Variants in METTL15 observed in about 807,000 individuals in gnomAD.
METTL15 encodes methyltransferase 15, mitochondrial 12S rRNA N4-cytidine.
In METTL15, 34 loss-of-function variants were observed where a neutral mutation model predicts 38.3. The ratio of observed to expected loss-of-function variants is 0.89; its 90% CI spans 0.68 to 1.18. METTL15 has a LOEUF of 1.18. METTL15 is among the 50% of genes most tolerant of loss of function. METTL15 has a pLI of 0.00. For synonymous variants in METTL15, 162 were observed against 170.9 expected (o/e 0.95, Z 0.41); for missense variants, 438 against 498.4 (o/e 0.88, Z 1.15).
intron 2 of METTL15, among the ~76,000 whole-genome samples, chr11:28,112,718 A>G (rs1049849709): frequency 4.6e-5 from 7 of 152,202 alleles, no homozygotes; most frequent in Non-Finnish European, 1.0e-4. Context: ...TATACACTCC[A>G]CTGATACAGG....
chr11:28,270,590 C>A (rs185478416), intron 4 of METTL15, among the ~76,000 whole-genome samples: 4 of 152,266 alleles, frequency 2.6e-5, no homozygotes, highest in Admixed American at 2.6e-4. Context: ...TAACAATAGA[C>A]AGATTATTTC....
chr11:28,522,546 T>G (rs1851772930), intron 6 of METTL15, among the ~76,000 whole-genome samples: 1 of 152,178 alleles, frequency 6.6e-6, no homozygotes, highest in Admixed American at 6.5e-5. Flanking sequence ...ATTTAAATAT[T>G]AGTCTCATCC....
At chr11:28,338,678 C>T (rs1373286686) in intron 3 of METTL15, among the ~76,000 whole-genome samples, 2 of 152,030 alleles carry the variant, frequency 1.3e-5, no homozygotes, top group African/African-American at 4.8e-5. Flanking sequence ...ATGAAAGAAA[C>T]AGAGTTTGGA....
Position 28,150,028 on chromosome 11 carries a change from G to C in METTL15, c.270+36424G>C, listed in dbSNP as rs767313352. 4.0e-5 allele frequency among the ~76,000 whole-genome samples: 6 copies of C among 151,828 alleles called. 1 individual carries two copies. The highest frequency in any genetic ancestry group is 6.6e-5 in the Admixed American group (1 of 15,194). ...GTCGCTTCTTTGAATTTCAAATATA[G>C]GAAACTATAGGCCTGCCATTTCTCA... On this transcript the variant is annotated intron_variant, in intron 3 of 6. Coordinates refer to ENST00000407364, the MANE Select transcript of METTL15 (RefSeq NM_001113528.2).
At chr11:28,495,680 A>G (rs1411576566) in intron 6 of METTL15, among the ~76,000 whole-genome samples, 4 of 152,194 alleles carry the variant, frequency 2.6e-5, no homozygotes, top group African/African-American at 9.7e-5. Context: ...AGAAAAGCAA[A>G]AAGACCCATA....
At chr11:28,495,964 A>C (rs1218563117) in intron 6 of METTL15, among the ~76,000 whole-genome samples, 1 of 152,196 alleles carries the variant, frequency 6.6e-6, no homozygotes, top group Non-Finnish European at 1.5e-5. Context: ...AATTCTTCAG[A>C]TATCCTGAAT....
chr11:28,328,213 C>T, intron 6 of METTL15: 1 of 1,550,364 alleles, frequency 6.5e-7, no homozygotes, highest in Non-Finnish European at 8.8e-7. Context: ...CATCATGTTC[C>T]TGAGAGACCT....
At chr11:28,260,688 C>T (rs746254046) in intron 4 of METTL15, among the ~76,000 whole-genome samples, 14 of 152,090 alleles carry the variant, frequency 9.2e-5, no homozygotes, top group Non-Finnish European at 1.9e-4. Flanking sequence ...ACACAGAAAA[C>T]CTTTTCTAAG....
chr11:28,200,774 T>C (rs1029989833), intron 3 of METTL15, among the ~76,000 whole-genome samples: 15 of 152,196 alleles, frequency 9.9e-5, no homozygotes, highest in African/African-American at 2.4e-5. Context: ...CCTGATACTT[T>C]GCTGAAATTG....
chr11:28,379,498 T>C (rs974830405), intron 5 of METTL15, among the ~76,000 whole-genome samples: 4 of 152,164 alleles, frequency 2.6e-5, no homozygotes, highest in African/African-American at 7.2e-5. Context: ...TGTTTTATTT[T>C]CATGTGTTTG....
intron 4 of METTL15, among the ~76,000 whole-genome samples, chr11:28,250,752 GT>G (rs1160524668): frequency 1.3e-5 from 2 of 151,984 alleles, no homozygotes; most frequent in East Asian, 3.9e-4. Context: ...CTTCAATTCT[GT>G]TTTTTACCTG....
At chr11:28,311,058 G>C (rs755012751) in intron 6 of METTL15, among the ~76,000 whole-genome samples, 1 of 151,080 alleles carries the variant, frequency 6.6e-6, no homozygotes, top group South Asian at 2.1e-4. Context: ...TCCCAAGTTG[G>C]GCATGGTCTT....
At chr11:28,445,437 A>G (rs1441283649) in intron 6 of METTL15, among the ~76,000 whole-genome samples, 1 of 152,130 alleles carries the variant, frequency 6.6e-6, no homozygotes, top group Non-Finnish European at 1.5e-5. Flanking sequence ...AAATTCAGGA[A>G]ACTGGACATT....
chr11:28,481,758 T>C (rs946387665), intron 6 of METTL15, among the ~76,000 whole-genome samples: 1 of 151,934 alleles, frequency 6.6e-6, no homozygotes, highest in South Asian at 2.1e-4. Context: ...AGTAGAGGGG[T>C]GTGTCACACA....
intron 3 of METTL15, chr11:28,197,496 C>A: frequency 4.4e-6 from 2 of 452,590 alleles, no homozygotes; most frequent in Middle Eastern, 3.4e-4. Flanking sequence ...GTGATGTGGA[C>A]TAGGATGGTG....
chr11:28,434,475 C>T (rs1325218859), intron 6 of METTL15, among the ~76,000 whole-genome samples: 4 of 152,220 alleles, frequency 2.6e-5, no homozygotes, highest in African/African-American at 2.4e-5. Flanking sequence ...TGGTAGTCAC[C>T]TCTCTGCTAT....
chr11:28,423,781 C>T (rs1480618460), intron 5 of METTL15, among the ~76,000 whole-genome samples: 1 of 151,790 alleles, frequency 6.6e-6, no homozygotes, highest in Non-Finnish European at 1.5e-5. Flanking sequence ...ATGAGTAAGA[C>T]CTAGTATTTG....
intron 6 of METTL15, among the ~76,000 whole-genome samples, chr11:28,445,050 G>T (rs1851064094): frequency 6.6e-6 from 1 of 152,030 alleles, no homozygotes; most frequent in Non-Finnish European, 1.5e-5. Flanking sequence ...CAAGCTGAGG[G>T]GCAGAACTGT....
intron 3 of METTL15, among the ~76,000 whole-genome samples, chr11:28,174,335 C>A (rs967904086): frequency 1.3e-5 from 2 of 152,010 alleles, no homozygotes; most frequent in Admixed American, 1.3e-4. Context: ...TTTATTATAA[C>A]CAAGGTTTTC....
Sources: gnomAD v4.1 joint callset for allele counts (sites outside exome capture counted in the v4.1 genomes callset) on GRCh38, gnomAD v4.1.1 for gene constraint, MANE v1.5 for transcripts, NCBI Gene and HGNC (gene_info 2026-07-23, HGNC 2026-07-21) for gene names.